TNKS: variants seen among roughly 807,000 people sequenced by gnomAD.
TNKS encodes the protein tankyrase.
Under a neutral mutation model 135.8 loss-of-function variants are expected in TNKS, and 72 were observed. That is an observed-to-expected ratio of 0.53 (90% confidence interval 0.44 to 0.64). The LOEUF (loss-of-function observed/expected upper bound fraction) is 0.64. TNKS is among the 30% of genes least tolerant of loss of function. The pLI is 0.00. For synonymous variants in TNKS, 849 were observed against 649.3 expected, an observed-to-expected ratio of 1.31 and a Z score of -4.68; for missense variants, 1,769 against 1,674.0, an observed-to-expected ratio of 1.06 and a Z score of -0.99.
chr8:9,612,779 T>C (rs146981748), intron 2 of TNKS, among the ~76,000 whole-genome samples: 1 of 152,318 alleles, frequency 6.6e-6, no homozygotes, highest in East Asian at 1.9e-4. Context: ...AATTCGAATG[T>C]AACTTTCTCC....
intron 1 of TNKS, among the ~76,000 whole-genome samples, chr8:9,559,303 G>A (rs1177141730): frequency 1.3e-5 from 2 of 152,070 alleles, no homozygotes; most frequent in East Asian, 3.8e-4. Context: ...AGTCTTTGTA[G>A]GTAGATTTTT....
Position 9,567,218 on chromosome 8 carries a change from C to T in TNKS, c.673+10606C>T, listed in dbSNP as rs537929792. Among the ~76,000 whole-genome samples the T allele has an allele frequency of 1.1e-4, 17 of 152,284 alleles. 2 individuals carry two copies. Among genetic ancestry groups the T allele is most frequent in the African/African-American group, 4.1e-4 (17 of 41,550 alleles). On this transcript the variant is annotated intron_variant, in intron 1 of 26. Transcript: ENST00000310430. ...TGATTTTGACATATTCCCTCCAGTC[C>T]TTCTCTTAGGCATTTAAAGTAAAAC...
At chr8:9,607,025 A>T (rs1290926863) in intron 2 of TNKS, among the ~76,000 whole-genome samples, 1 of 152,132 alleles carries the variant, frequency 6.6e-6, no homozygotes, top group Non-Finnish European at 1.5e-5. Context: ...ATTCTAGGGG[A>T]CAAGTTCTCA....
chr8:9,562,166 T>C (rs1214677374), intron 1 of TNKS, among the ~76,000 whole-genome samples: 1 of 152,050 alleles, frequency 6.6e-6, no homozygotes, highest in Non-Finnish European at 1.5e-5. Context: ...CTGGGCACAC[T>C]TCAGTTTTAT....
At chr8:9,715,508 G>T (rs1488289644) in intron 11 of TNKS, among the ~76,000 whole-genome samples, 1 of 151,952 alleles carries the variant, frequency 6.6e-6, no homozygotes, top group Non-Finnish European at 1.5e-5. Context: ...ACTCTTCATT[G>T]TCCTGCTGTC....
At chr8:9,731,932 C>T (rs531473412) in intron 14 of TNKS, among the ~76,000 whole-genome samples, 18 of 152,160 alleles carry the variant, frequency 1.2e-4, no homozygotes, top group African/African-American at 4.3e-4. Context: ...GGACTACAGG[C>T]GCCCGTCACC....
intron 25 of TNKS, among the ~76,000 whole-genome samples, chr8:9,767,838 A>C (rs1410278509): frequency 6.6e-6 from 1 of 151,884 alleles, no homozygotes; most frequent in South Asian, 2.1e-4. Flanking sequence ...AGGCGCTTGT[A>C]GTCCAAGCTA....
intron 3 of TNKS, among the ~76,000 whole-genome samples, chr8:9,646,988 A>G (rs1800942294): frequency 6.6e-6 from 1 of 152,218 alleles, no homozygotes; most frequent in Non-Finnish European, 1.5e-5. Flanking sequence ...GAGAGGTAGC[A>G]GAGCAAAGAT....
intron 3 of TNKS, among the ~76,000 whole-genome samples, chr8:9,656,626 TAATTTA>T (rs1801386535): frequency 2.1e-5 from 3 of 144,682 alleles, no homozygotes; most frequent in African/African-American, 7.8e-5. Flanking sequence ...TTTTTTTTTT[TAATTTA>T]TTTTTTTATT....
At chr8:9,600,053 T>C (rs1798953133) in intron 2 of TNKS, among the ~76,000 whole-genome samples, 1 of 152,190 alleles carries the variant, frequency 6.6e-6, no homozygotes, top group South Asian at 2.1e-4. Flanking sequence ...CATAGGCTTG[T>C]TTTGTCCTAA....
At chr8:9,598,729 G>GTGTGTGTGTGTC (rs777986624) in intron 2 of TNKS, among the ~76,000 whole-genome samples, 9,502 of 123,342 alleles carry the variant, frequency 0.077, 721 homozygotes, top group Admixed American at 0.16. Context: ...GTGTGTGTGT[G>GTGTGTGTGTGTC]TGTGTCTGTG....
chr8:9,564,568 A>G (rs1797453679), intron 1 of TNKS, among the ~76,000 whole-genome samples: 3 of 152,244 alleles, frequency 2.0e-5, no homozygotes, highest in Admixed American at 2.0e-4. Context: ...CTTTTGTGTC[A>G]TAGACAAAGA....
chr8:9,577,608 C>A (rs898051894), intron 1 of TNKS, among the ~76,000 whole-genome samples: 1 of 152,126 alleles, frequency 6.6e-6, no homozygotes, highest in Non-Finnish European at 1.5e-5. Context: ...CTCACTATTA[C>A]GAGAACAGCA....
intron 2 of TNKS, among the ~76,000 whole-genome samples, chr8:9,608,343 CTT>C (rs1383202498): frequency 6.6e-6 from 1 of 152,054 alleles, no homozygotes; most frequent in Non-Finnish European, 1.5e-5. Context: ...ATAGTTTTGA[CTT>C]TGTAGATCCT....
intron 3 of TNKS, 68 bp from the exon 4 acceptor site, chr8:9,679,883 C>A: frequency 1.6e-6 from 2 of 1,245,394 alleles, no homozygotes; most frequent in Non-Finnish European, 2.4e-6. Flanking sequence ...TCTCTATTTG[C>A]TGCCTACTGC....
chr8:9,678,752 A>C (rs1802649986), intron 3 of TNKS, among the ~76,000 whole-genome samples: 1 of 152,210 alleles, frequency 6.6e-6, no homozygotes, highest in Non-Finnish European at 1.5e-5. Context: ...ACAAAATGCG[A>C]AGTCCATATT....
At chr8:9,712,715 C>G (rs747090529) in intron 11 of TNKS, among the ~76,000 whole-genome samples, 2 of 151,656 alleles carry the variant, frequency 1.3e-5, no homozygotes, top group Admixed American at 6.6e-5. Flanking sequence ...ACAGGCCAAC[C>G]CCGTCTCTAC....
intron 6 of TNKS, 88 bp downstream of exon 6, chr8:9,704,845 C>A: frequency 1.0e-6 from 1 of 973,016 alleles, no homozygotes; most frequent in Admixed American, 2.1e-5. Context: ...TCATATGTCC[C>A]ATTTGTTACG....
At chr8:9,626,004 G>A (rs762575085) in intron 3 of TNKS, among the ~76,000 whole-genome samples, 2 of 152,074 alleles carry the variant, frequency 1.3e-5, no homozygotes, top group African/African-American at 2.4e-5. Flanking sequence ...GAGTAGTGAA[G>A]TTTCTAACTA....
Sources: allele counts gnomAD v4.1 joint callset (sites outside exome capture counted in the v4.1 genomes callset), GRCh38; gene constraint gnomAD v4.1.1; transcripts MANE v1.5; gene names NCBI Gene and HGNC (gene_info 2026-07-23, HGNC 2026-07-21).